IL19: variants seen among roughly 807,000 people sequenced by gnomAD.
The protein encoded by IL19 is interleukin-19.
A neutral mutation model predicts 19.5 loss-of-function variants in IL19; 15 were observed. The ratio of observed to expected loss-of-function variants is 0.77; its 90% CI spans 0.52 to 1.19. The LOEUF is 1.19. Among genes scored for constraint, IL19 ranks in the 50% most tolerant of loss-of-function variants. The pLI is 0.00. For synonymous variants in IL19, 78 were observed against 78.3 expected, an observed-to-expected ratio of 1.00 and a Z score of 0.02; for missense variants, 199 against 213.1, an observed-to-expected ratio of 0.93 and a Z score of 0.41.
chr1:206,798,478 G>T (rs1341426569), intron 1 of IL19, among the ~76,000 whole-genome samples: 1 of 151,968 alleles, frequency 6.6e-6, no homozygotes, highest in Non-Finnish European at 1.5e-5. Context: ...TTCCTGTGAC[G>T]CTAATAAAAG....
chr1:206,836,264 C>G (rs549664509), intron 2 of IL19, among the ~76,000 whole-genome samples: 1 of 152,098 alleles, frequency 6.6e-6, no homozygotes, highest in Admixed American at 6.5e-5. Context: ...CATCTGTTGC[C>G]GAATTCCTAG....
intron 2 of IL19, among the ~76,000 whole-genome samples, chr1:206,832,807 C>A (rs934038696): frequency 6.6e-6 from 1 of 152,226 alleles, no homozygotes; most frequent in Non-Finnish European, 1.5e-5. Context: ...CTATAGTCTA[C>A]CACTTCCCTC....
chr1:206,806,213 G>A (rs1308956450), intron 2 of IL19, among the ~76,000 whole-genome samples: 1 of 152,176 alleles, frequency 6.6e-6, no homozygotes, highest in African/African-American at 2.4e-5. Context: ...CCTGGGATGA[G>A]AGGATGGGTC....
At chr1:206,829,448 G>A (rs1018062382) in intron 2 of IL19, among the ~76,000 whole-genome samples, 2 of 152,120 alleles carry the variant, frequency 1.3e-5, no homozygotes, top group Non-Finnish European at 1.5e-5. Context: ...GGTTTTGAAC[G>A]TTAGGTTGGT....
rs1023277661 is a variant in IL19 at position 206,772,541 on chromosome 1, G to T, written c.-149+1463G>T. 1.1e-5 allele frequency: 12 copies of T among 1,053,622 alleles called. No homozygotes were observed. The South Asian group carries it at 1.3e-4, about 12-fold the overall frequency. The allele number at this position is 1,053,622 out of a possible 1,614,324, so 65.3% of individuals were successfully genotyped here. ...CCTTTTATATTGTAAGCTCAGGGAG[G>T]CCTCTTCATTCATTAAAAAGCCACA... On this transcript the variant is annotated intron_variant, in intron 1 of 6. Coordinates refer to ENST00000659997, the MANE Select transcript of IL19 (RefSeq NM_153758.5).
At chr1:206,784,300 T>TCTC in intron 1 of IL19, among the ~76,000 whole-genome samples, 1 of 152,114 alleles carries the variant, frequency 6.6e-6, no homozygotes, top group Non-Finnish European at 1.5e-5. Context: ...TTCCCCTATC[T>TCTC]CTCCTCCCAG....
intron 1 of IL19, among the ~76,000 whole-genome samples, chr1:206,775,836 C>T (rs1158120874): frequency 6.6e-6 from 1 of 152,172 alleles, no homozygotes; most frequent in East Asian, 1.9e-4. Flanking sequence ...AGTGAGAAGG[C>T]AGGCACCTAT....
chr1:206,778,058 G>C (rs1283358665), intron 1 of IL19, among the ~76,000 whole-genome samples: 1 of 152,196 alleles, frequency 6.6e-6, no homozygotes, highest in African/African-American at 2.4e-5. Flanking sequence ...TAAACGCCTG[G>C]TGGGCCAGAA....
Position 206,770,823 on chromosome 1 carries a change from CT to C in IL19, c.-403del, listed in dbSNP as rs2102438919. 7.7e-7 allele frequency: 1 copy of C among 1,295,714 alleles called. No homozygotes were observed. Among genetic ancestry groups the C allele is most frequent in the East Asian group, 2.3e-5 (1 of 43,602 alleles). 80.3% of individuals were successfully genotyped at this position (1,295,714 alleles called of 1,614,324 possible). A position where few individuals can be genotyped will look rare whatever the true frequency, so the allele number is the denominator to read the frequency against. On this transcript the variant is annotated 5_prime_UTR_variant, in exon 1 of 7. Coordinates refer to ENST00000659997, the MANE Select transcript of IL19 (RefSeq NM_153758.5). ...CTGCCAGTCTGTGTCTTTGCTGTGT[CT>C]GTGGATGTGAGTGTCCCTGCTGGTC...
At chr1:206,786,358 A>C (rs1174031917) in intron 1 of IL19, among the ~76,000 whole-genome samples, 3 of 152,144 alleles carry the variant, frequency 2.0e-5, no homozygotes, top group African/African-American at 7.2e-5. Flanking sequence ...TATCACCACA[A>C]TTTCTCTTTC....
At chr1:206,797,986 C>T (rs1322583759) in intron 1 of IL19, among the ~76,000 whole-genome samples, 1 of 152,208 alleles carries the variant, frequency 6.6e-6, no homozygotes, top group East Asian at 1.9e-4. Flanking sequence ...ACTCACAGGC[C>T]ACAGACCTCC....
At chr1:206,810,880 G>C (rs762917441) in intron 2 of IL19, among the ~76,000 whole-genome samples, 2 of 152,132 alleles carry the variant, frequency 1.3e-5, no homozygotes, top group Non-Finnish European at 2.9e-5. Context: ...GTTCACCTGA[G>C]AGCTAGTTGT....
chr1:206,836,033 G>T (rs943476686), intron 2 of IL19, among the ~76,000 whole-genome samples: 1 of 152,212 alleles, frequency 6.6e-6, no homozygotes, highest in East Asian at 1.9e-4. Context: ...TTGCCAAGCT[G>T]CCCTCTACCT....
At chr1:206,786,053 T>G (rs898497721) in intron 1 of IL19, among the ~76,000 whole-genome samples, 2 of 152,062 alleles carry the variant, frequency 1.3e-5, no homozygotes, top group Non-Finnish European at 2.9e-5. Flanking sequence ...AGGACATCCT[T>G]AGAGGGTATC....
intron 2 of IL19, among the ~76,000 whole-genome samples, chr1:206,810,411 A>G (rs886859281): frequency 2.6e-5 from 4 of 152,226 alleles, no homozygotes; most frequent in Non-Finnish European, 5.9e-5. Flanking sequence ...AGGAGGAAGG[A>G]ATGATGGAGT....
At chr1:206,771,173 G>C in intron 1 of IL19, 95 bp downstream of exon 1, 1 of 1,307,832 alleles carries the variant, frequency 7.6e-7, no homozygotes, top group Non-Finnish European at 1.1e-6. Context: ...TTCACCAGAA[G>C]CCTCCCCGAA....
At chr1:206,806,441 A>G (rs1428478387) in intron 2 of IL19, among the ~76,000 whole-genome samples, 1 of 152,228 alleles carries the variant, frequency 6.6e-6, no homozygotes, top group Non-Finnish European at 1.5e-5. Context: ...GGCAGGGAGA[A>G]AACAAGTCAA....
At chr1:206,781,414 CAAAAAAAAAAAAAAA>C (rs57060549) in intron 1 of IL19, among the ~76,000 whole-genome samples, 3 of 43,028 alleles carry the variant, frequency 7.0e-5, no homozygotes, top group African/African-American at 9.1e-5. Context: ...GACTCTGTCT[CAAAAAAAAAAAAAAA>C]AAAAAAAAAG....
rs1415792692 is a variant in IL19, at chr1:206,841,051, C to A, written c.411C>A (p.Thr137=). The change falls in exon 6 of 7, where the codon ACC becomes ACA. Residue 137 remains threonine (T), a synonymous_variant. Coordinates refer to ENST00000659997, the MANE Select transcript of IL19 (RefSeq NM_153758.5). ...GCAGGCAGGAAGCCACCAATGCCAC[C>A]AGAGTCATCCATGACAACTATGATC... ...CHCRQEATNA[T]RVIHDNYDQL... 6.2e-7 allele frequency: 1 copy of A among 1,614,054 alleles called. No individual in the cohort carries two copies. Among genetic ancestry groups the A allele is most frequent in the South Asian group, 1.1e-5 (1 of 91,070 alleles).
Sources: gnomAD v4.1 joint callset for allele counts (sites outside exome capture counted in the v4.1 genomes callset) on GRCh38, gnomAD v4.1.1 for gene constraint, MANE v1.5 for transcripts, NCBI Gene and HGNC (gene_info 2026-07-23, HGNC 2026-07-21) for gene names.